CFL1: variants seen among roughly 807,000 people sequenced by gnomAD.
CFL1 encodes the protein cofilin 1.
Under a neutral mutation model 16.3 loss-of-function variants are expected in CFL1, and 2 were observed. The observed-to-expected ratio is 0.12, with a 90% CI of 0.05 to 0.39. The LOEUF (loss-of-function observed/expected upper bound fraction) is 0.39, where lower values mean the gene tolerates loss of function less well. Ranked by LOEUF, CFL1 falls within the 10% of genes least tolerant of loss-of-function variation. The pLI is 0.99. For missense variants in CFL1, 75 were observed against 212.2 expected (o/e 0.35, Z 4.02); for synonymous variants, 111 against 84.4 (o/e 1.31, Z -1.73).
At chr11:65,857,942 A>C in intron 1 of CFL1, 155 bp downstream of exon 1, 1 of 690,692 alleles carries the variant, frequency 1.4e-6, no homozygotes, top group Non-Finnish European at 2.1e-6. Flanking sequence ...ACGGGCGCGC[A>C]CGCGCATTCC....
Position 65,856,030 on chromosome 11 carries a change from G to A in CFL1, c.216C>T (p.Val72=). 1 of 1,614,156 alleles carries A rather than the reference G, an allele frequency of 6.2e-7. No individual in the cohort carries two copies. The highest frequency in any genetic ancestry group is 8.5e-7 in the Non-Finnish European group (1 of 1,180,028). Residue 72 remains valine (V), a synonymous_variant, in exon 2 of 4, where the codon GTC becomes GTT. Coordinates refer to ENST00000308162, the MANE Select transcript of CFL1 (RefSeq NM_005507.3). ...GGCAGTCCTTATCTGGCAGCATCTTGACAAAGGTGGCGTAGGGGTCGTCGA... is the reference window on the plus strand; with the variant it reads ...GGCAGTCCTTATCTGGCAGCATCTTAACAAAGGTGGCGTAGGGGTCGTCGA... ...QTVDDPYATF[V]KMLPDKDCRY... is the part of the protein sequence containing the mutation.
At chr11:65,855,552 G>C in intron 3 of CFL1, 102 bp downstream of exon 3, 2 of 1,553,462 alleles carry the variant, frequency 1.3e-6, no homozygotes, top group Non-Finnish European at 1.8e-6. Context: ...GGAACAAGCA[G>C]GCAGCGAAGA....
rs1859345043 is a variant in CFL1, at chr11:65,854,743, C to T, written c.*593G>A. 1 of 153,120 alleles carries T rather than the reference C, an allele frequency of 6.5e-6. No homozygotes were observed. Among genetic ancestry groups the T allele is most frequent in the Non-Finnish European group, 1.5e-5 (1 of 68,708 alleles). 9.5% of individuals were successfully genotyped at this position (153,120 alleles called of 1,614,324 possible). ...CAGAGGAGAGAGATAGCACCATTAT[C>T]CCAGTGCACCCCCAATCCTGAAGTC... is the stretch of plus-strand genomic sequence containing the variant. On this transcript the variant is annotated 3_prime_UTR_variant, in exon 4 of 4. Coordinates refer to ENST00000308162, the MANE Select transcript of CFL1 (RefSeq NM_005507.3).
chr11:65,857,250 A>AG, intron 1 of CFL1: 3 of 275,468 alleles, frequency 1.1e-5, no homozygotes, highest in South Asian at 7.4e-5. Flanking sequence ...GGCCGTATAC[A>AG]GGGGGCGGGG....
intron 1 of CFL1, chr11:65,857,367 C>A: frequency 2.5e-6 from 1 of 400,894 alleles, no homozygotes; most frequent in South Asian, 1.7e-5. Context: ...GCACCGGCGG[C>A]CGGGCCTGAG....
chr11:65,857,540 C>G (rs1859410199), intron 1 of CFL1: 1 of 270,354 alleles, frequency 3.7e-6, no homozygotes, highest in East Asian at 1.6e-4. Flanking sequence ...ACGCCCCAAC[C>G]GGGACCCCGT....
In CFL1 at chr11:65,855,466, G is replaced by A. The variant is rs773406998; in HGVS notation, c.389-18C>T. The A allele has an allele frequency of 3.4e-5, 55 of 1,609,530 alleles. No homozygotes were observed. The highest frequency in any genetic ancestry group is 4.2e-5 in the Non-Finnish European group (49 of 1,176,320). Reference sequence around the variant, plus strand: ...CTTGATCCCTATAAAGAAGAAAGGGGAGCATCTGTGAGCAGGAAGCACTGG... The same window carrying A: ...CTTGATCCCTATAAAGAAGAAAGGGAAGCATCTGTGAGCAGGAAGCACTGG... On this transcript the variant is annotated intron_variant, in intron 3 of 3. Transcript: ENST00000308162.
At chr11:65,857,400 C>A in intron 1 of CFL1, 3 of 431,870 alleles carry the variant, frequency 6.9e-6, no homozygotes, top group Non-Finnish European at 1.4e-5. Flanking sequence ...CGCCGACAGA[C>A]AGCGCCGTTC....
At position 65,858,127 on chromosome 11, in the gene CFL1, C is replaced by G. The variant is rs115074329; in HGVS notation, c.-28G>C. 4.5e-3 allele frequency: 6,862 copies of G among 1,524,154 alleles called. 252 individuals are homozygous for G. In the African/African-American group the frequency reaches 0.082, roughly 18 times the overall value. The allele number at this position is 1,524,154 out of a possible 1,614,324, so 94.4% of individuals were successfully genotyped here. On this transcript the variant is annotated 5_prime_UTR_variant, in exon 1 of 4. Transcript: ENST00000308162. ...TTCCGGAAACGAAAAGGAGAGGGCACCGAGAGCCGCAGAAGACGAGAGCGC... is the reference window on the plus strand; with the variant it reads ...TTCCGGAAACGAAAAGGAGAGGGCAGCGAGAGCCGCAGAAGACGAGAGCGC...
Position 65,858,129 on chromosome 11 carries a change from G to A in CFL1, c.-30C>T, listed in dbSNP as rs754853368. On this transcript the variant is annotated 5_prime_UTR_variant, in exon 1 of 4. Coordinates refer to ENST00000308162, the MANE Select transcript of CFL1 (RefSeq NM_005507.3). ...CCGGAAACGAAAAGGAGAGGGCACC[G>A]AGAGCCGCAGAAGACGAGAGCGCTG... 2.4e-5 allele frequency: 37 copies of A among 1,522,712 alleles called. No homozygotes were observed. Among genetic ancestry groups the A allele is most frequent in the Non-Finnish European group, 2.8e-5 (32 of 1,135,176 alleles). 94.3% of individuals were successfully genotyped at this position (1,522,712 alleles called of 1,614,324 possible).
At chr11:65,856,363 A>C in intron 1 of CFL1, 121 bp from the exon 2 acceptor site, 3 of 929,410 alleles carry the variant, frequency 3.2e-6, no homozygotes, top group Non-Finnish European at 4.9e-6. Flanking sequence ...GCAAGTCACT[A>C]GTTTTCCCAC....
At position 65,855,104 on chromosome 11, in the gene CFL1, A is replaced by G; in HGVS notation, c.*232T>C. On this transcript the variant is annotated 3_prime_UTR_variant, in exon 4 of 4. Transcript: ENST00000308162. ...GGGGGAACTTGGTCTGCTTCAGCCCAAGAGGAATCAAAAGATCAAAAGCAG... is the reference window on the plus strand; with the variant it reads ...GGGGGAACTTGGTCTGCTTCAGCCCGAGAGGAATCAAAAGATCAAAAGCAG... 1 of 501,932 alleles carries G rather than the reference A, an allele frequency of 2.0e-6. No individual in the cohort carries two copies. Among genetic ancestry groups the G allele is most frequent in the South Asian group, 2.2e-5 (1 of 44,932 alleles). The allele number at this position is 501,932 out of a possible 1,614,324, so 31.1% of individuals were successfully genotyped here.
At chr11:65,857,796 T>G in intron 1 of CFL1, 1 of 214,646 alleles carries the variant, frequency 4.7e-6, no homozygotes, top group Non-Finnish European at 9.1e-6. Flanking sequence ...ACGCCGGCCG[T>G]TCCGCGAGGG....
Position 65,858,171 on chromosome 11 carries a change from C to T in CFL1, c.-72G>A, listed in dbSNP as rs758779026. Reference sequence around the variant, plus strand: ...AGAGCGCTGCAGCCGCTGCCGGGACCCGACTGAACGCGGCCTCTCCCGGCC... The same window carrying T: ...AGAGCGCTGCAGCCGCTGCCGGGACTCGACTGAACGCGGCCTCTCCCGGCC... On this transcript the variant is annotated 5_prime_UTR_variant, in exon 1 of 4. Coordinates refer to ENST00000308162, the MANE Select transcript of CFL1 (RefSeq NM_005507.3). 934 of 1,486,376 alleles carry T rather than the reference C, an allele frequency of 6.3e-4. 1 individual carries two copies. The highest frequency in any genetic ancestry group is 8.1e-4 in the Non-Finnish European group (905 of 1,110,532). The allele number at this position is 1,486,376 out of a possible 1,614,324, so 92.1% of individuals were successfully genotyped here.
Position 65,858,085 on chromosome 11 carries a change from C to T in CFL1, c.3+12G>A. Reference sequence around the variant, plus strand: ...CAGCCGCCTCCCTCAGGCGCCGTGGCCTGCCGCTCACCATGTTTCCGGAAA... The same window carrying T: ...CAGCCGCCTCCCTCAGGCGCCGTGGTCTGCCGCTCACCATGTTTCCGGAAA... On this transcript the variant is annotated intron_variant, in intron 1 of 3. Transcript: ENST00000308162. 1 of 1,535,496 alleles carries T rather than the reference C, an allele frequency of 6.5e-7. No homozygotes were observed. Among genetic ancestry groups the T allele is most frequent in the East Asian group, 2.6e-5 (1 of 39,022 alleles).
In CFL1 at chr11:65,856,141, C is replaced by T. The variant is rs762181259; in HGVS notation, c.105G>A (p.Ala35=). ...TGTCCTCACTCAGGCAGAAGAGCAC[C>T]GCCTTCTTGCGCTTCTTCACCTCCT... ...TPEEVKKRKK[A]VLFCLSEDKK... Residue 35 remains alanine, a synonymous_variant, in exon 2 of 4, where the codon GCG becomes GCA. Coordinates refer to ENST00000308162, the MANE Select transcript of CFL1 (RefSeq NM_005507.3). 8 of 1,614,038 alleles carry T rather than the reference C, an allele frequency of 5.0e-6. No homozygotes were observed. Among genetic ancestry groups the T allele is most frequent in the Admixed American group, 1.7e-5 (1 of 60,004 alleles).
In CFL1 at chr11:65,856,003, G is replaced by C. The variant is rs149968959; in HGVS notation, c.243C>G (p.Arg81=). The C allele has an allele frequency of 7.1e-5, 114 of 1,614,148 alleles. No individual in the cohort carries two copies. The African/African-American group carries it at 1.4e-3, about 19-fold the overall frequency. ...CATAGGTTGCATCATAGAGGGCATA[G>C]CGGCAGTCCTTATCTGGCAGCATCT... ...FVKMLPDKDC[R]YALYDATYET... The change falls in exon 2 of 4, where the codon CGC becomes CGG. Residue 81 remains arginine, a synonymous_variant. Coordinates refer to ENST00000308162, the MANE Select transcript of CFL1 (RefSeq NM_005507.3).
Position 65,855,041 on chromosome 11 carries a change from TA to T in CFL1, c.*294del, listed in dbSNP as rs1171686282. ...ACCAGGTGGGGAATGGGGATGTTGT[TA>T]AAAAAAATACAGGCTCCCCCACAAC... On this transcript the variant is annotated 3_prime_UTR_variant, in exon 4 of 4. Coordinates refer to ENST00000308162, the MANE Select transcript of CFL1 (RefSeq NM_005507.3). The T allele has an allele frequency of 2.0e-4, 75 of 369,210 alleles. No homozygotes were observed. Among genetic ancestry groups the T allele is most frequent in the East Asian group, 2.9e-4 (5 of 16,958 alleles). 22.9% of individuals were successfully genotyped at this position (369,210 alleles called of 1,614,324 possible). A position where few individuals can be genotyped will look rare whatever the true frequency, so the allele number is the denominator to read the frequency against.
At chr11:65,858,005 G>T (rs1247617445) in intron 1 of CFL1, 92 bp downstream of exon 1, 2 of 1,346,094 alleles carry the variant, frequency 1.5e-6, no homozygotes, top group Non-Finnish European at 2.0e-6. Flanking sequence ...GGCGCTGGGG[G>T]AGGGGGTGCG....
Sources: allele counts gnomAD v4.1 joint callset, GRCh38; gene constraint gnomAD v4.1.1; transcripts MANE v1.5; gene names NCBI Gene and HGNC (gene_info 2026-07-23, HGNC 2026-07-21).